The following FDFT1 variants were observed in gnomAD, a reference collection of about 807,000 sequenced individuals.
FDFT1 encodes the protein squalene synthase.
A neutral mutation model predicts 46.8 loss-of-function variants in FDFT1; 68 were observed. The ratio of observed to expected loss-of-function variants is 1.45; its 90% CI spans 1.19 to 1.78. The LOEUF (loss-of-function observed/expected upper bound fraction) is 1.78. FDFT1 is among the 40% of genes most tolerant of loss of function. The pLI, the probability that FDFT1 is intolerant of heterozygous loss-of-function variation, is 0.00. For synonymous variants in FDFT1, 351 were observed against 185.1 expected, an observed-to-expected ratio of 1.90 and a Z score of -7.28; for missense variants, 928 against 524.4, an observed-to-expected ratio of 1.77 and a Z score of -7.52.
intron 4 of FDFT1, among the ~76,000 whole-genome samples, chr8:11,822,384 A>C (rs539747355): frequency 6.6e-6 from 1 of 152,210 alleles, no homozygotes; most frequent in African/African-American, 2.4e-5. Context: ...CATGGTCACT[A>C]CGTTAGTGTA....
chr8:11,824,860 T>C (rs759617096), intron 4 of FDFT1, among the ~76,000 whole-genome samples: 1 of 152,148 alleles, frequency 6.6e-6, no homozygotes, highest in Non-Finnish European at 1.5e-5. Flanking sequence ...CTTAGCCTTC[T>C]GAGTAGCTGG....
intron 3 of FDFT1, among the ~76,000 whole-genome samples, chr8:11,810,480 C>G (rs750997954): frequency 6.6e-6 from 1 of 152,166 alleles, no homozygotes; most frequent in Non-Finnish European, 1.5e-5. Flanking sequence ...TCTCCGTCTC[C>G]TCGTTTGTAA....
At chr8:11,818,961 A>G (rs1276344300) in intron 3 of FDFT1, among the ~76,000 whole-genome samples, 3 of 152,144 alleles carry the variant, frequency 2.0e-5, no homozygotes, top group African/African-American at 7.2e-5. Context: ...TGGTCTTTAC[A>G]ATTTGGCATG....
intron 1 of FDFT1, among the ~76,000 whole-genome samples, chr8:11,805,766 G>C (rs191563098): frequency 6.6e-6 from 1 of 152,142 alleles, no homozygotes; most frequent in Non-Finnish European, 1.5e-5. Context: ...ATAATTATGA[G>C]GTGCTACTTC....
chr8:11,833,931 A>C (rs932846261), intron 7 of FDFT1, among the ~76,000 whole-genome samples: 5 of 152,242 alleles, frequency 3.3e-5, no homozygotes, highest in Non-Finnish European at 5.9e-5. Context: ...TCTAAGTCTT[A>C]AGCAGTAGAA....
At chr8:11,803,667 T>TA in intron 1 of FDFT1, 1 of 392,606 alleles carries the variant, frequency 2.5e-6, no homozygotes, top group Non-Finnish European at 4.2e-6. Flanking sequence ...GTTCTTCTGG[T>TA]CTGGACCAGC....
chr8:11,829,527 C>T (rs1233774900), intron 5 of FDFT1, among the ~76,000 whole-genome samples: 1 of 152,208 alleles, frequency 6.6e-6, no homozygotes, highest in African/African-American at 2.4e-5. Context: ...ATTTAGAGGC[C>T]TGGCCATCTT....
upstream of FDFT1, among the ~76,000 whole-genome samples, chr8:11,798,828 G>A (rs551161701): frequency 2.2e-4 from 33 of 152,276 alleles, no homozygotes; most frequent in Non-Finnish European, 3.4e-4. Context: ...AAGGTGTGTC[G>A]TCACTGAGCT....
At chr8:11,803,326 C>T (rs564508093) in intron 1 of FDFT1, 5 of 1,295,568 alleles carry the variant, frequency 3.9e-6, no homozygotes, top group East Asian at 5.4e-5. Flanking sequence ...ATGCAGATAA[C>T]ATCACATGAA....
At chr8:11,813,235 C>A (rs181393547) in intron 3 of FDFT1, among the ~76,000 whole-genome samples, 15 of 152,320 alleles carry the variant, frequency 9.8e-5, no homozygotes, top group Non-Finnish European at 1.9e-4. Flanking sequence ...ACGTATCTTT[C>A]TCACCTGGTA....
intron 7 of FDFT1, among the ~76,000 whole-genome samples, chr8:11,832,080 T>C (rs1015166290): frequency 1.3e-5 from 2 of 152,184 alleles, no homozygotes; most frequent in African/African-American, 2.4e-5. Flanking sequence ...TCTGGTACTT[T>C]CATTATGCCA....
At chr8:11,833,683 C>G (rs957502776) in intron 7 of FDFT1, among the ~76,000 whole-genome samples, 3 of 152,196 alleles carry the variant, frequency 2.0e-5, no homozygotes, top group African/African-American at 4.8e-5. Context: ...CACAGCCACA[C>G]CCATTTGCTT....
chr8:11,839,003 TTTTC>T lies in FDFT1; in HGVS notation c.*400_*403del, dbSNP rs1811963690. 5.6e-6 allele frequency: 1 copy of T among 177,690 alleles called. No individual in the cohort carries two copies. Among genetic ancestry groups the T allele is most frequent in the South Asian group, 1.2e-4 (1 of 8,574 alleles). 11.0% of individuals were successfully genotyped at this position (177,690 alleles called of 1,614,324 possible). A position where few individuals can be genotyped will look rare whatever the true frequency, so the allele number is the denominator to read the frequency against. Reference sequence around the variant, plus strand: ...TCGTAATAGTAGAAAATGATGTGAATTTTCTTTCTGTTCGGCTCCTATTTTTCTC... The same window carrying T: ...TCGTAATAGTAGAAAATGATGTGAATTTTCTGTTCGGCTCCTATTTTTCTC... On this transcript the variant is annotated 3_prime_UTR_variant, in exon 8 of 8. Coordinates refer to ENST00000220584, the MANE Select transcript of FDFT1 (RefSeq NM_004462.5).
At position 11,809,751 on chromosome 8, in the gene FDFT1, C is replaced by A; in HGVS notation, c.282C>A (p.Val94=). The change falls in exon 3 of 8, where the codon GTC becomes GTA. Residue 94 remains valine (V), a synonymous_variant. Transcript: ENST00000220584. ...DDMTISVEKK[V]PLLHNFHSFL... ...TGACCATCAGTGTGGAAAAGAAGGT[C>A]CCGCTGTTACACAACTTTCACTCTT... is the stretch of plus-strand genomic sequence containing the variant. 6.2e-7 allele frequency: 1 copy of A among 1,614,048 alleles called. No homozygotes were observed. Among genetic ancestry groups the A allele is most frequent in the Non-Finnish European group, 8.5e-7 (1 of 1,179,950 alleles).
chr8:11,814,260 CT>C (rs1308775915), intron 3 of FDFT1, among the ~76,000 whole-genome samples: 1 of 148,840 alleles, frequency 6.7e-6, no homozygotes, highest in Admixed American at 6.7e-5. Context: ...CAAAGAAAAA[CT>C]TTTTGGAAAG....
At chr8:11,810,038 C>T in intron 3 of FDFT1, 188 bp downstream of exon 3, 3 of 544,234 alleles carry the variant, frequency 5.5e-6, no homozygotes, top group South Asian at 2.6e-5. Flanking sequence ...CTCAAATCTC[C>T]CACTTACTAA....
intron 1 of FDFT1, among the ~76,000 whole-genome samples, chr8:11,806,577 G>C (rs1041870302): frequency 5.9e-5 from 9 of 152,082 alleles, no homozygotes; most frequent in African/African-American, 2.2e-4. Flanking sequence ...TTAAATCTAG[G>C]GGGACCGTGT....
At chr8:11,800,068 T>G (rs1406028086), upstream of FDFT1, among the ~76,000 whole-genome samples, 1 of 150,926 alleles carries the variant, frequency 6.6e-6, no homozygotes, top group Non-Finnish European at 1.5e-5. Flanking sequence ...AAGACCAGTC[T>G]GGCCAACATG....
intron 1 of FDFT1, 130 bp downstream of exon 1, chr8:11,803,061 T>C: frequency 6.9e-7 from 1 of 1,453,524 alleles, no homozygotes; most frequent in Non-Finnish European, 9.0e-7. Flanking sequence ...GGTGTTCCCG[T>C]CCCCCTTTCC....
Sources: gnomAD v4.1 joint callset for allele counts (sites outside exome capture counted in the v4.1 genomes callset) on GRCh38, gnomAD v4.1.1 for gene constraint, MANE v1.5 for transcripts, NCBI Gene and HGNC (gene_info 2026-07-23, HGNC 2026-07-21) for gene names.